Variants in FAM120B observed in about 807,000 individuals in gnomAD.
FAM120B encodes the protein family with sequence similarity 120 member B.
In FAM120B, 83 loss-of-function variants were observed where a neutral mutation model predicts 96.3. The ratio of observed to expected loss-of-function variants is 0.86; its 90% CI spans 0.72 to 1.03. The LOEUF is 1.03. Ranked by LOEUF, FAM120B falls within the 50% of genes least tolerant of loss-of-function variation. The pLI is 0.00. For missense variants in FAM120B, 1,027 were observed against 1,121.2 expected (o/e 0.92, Z 1.20); for synonymous variants, 407 against 402.7 (o/e 1.01, Z -0.13).
At chr6:170,335,741 C>T (rs943507576) in intron 4 of FAM120B, among the ~76,000 whole-genome samples, 1 of 152,214 alleles carries the variant, frequency 6.6e-6, no homozygotes, top group Non-Finnish European at 1.5e-5. Context: ...TTAATGATCA[C>T]CATTCTGACT....
intron 9 of FAM120B, among the ~76,000 whole-genome samples, chr6:170,401,304 G>T (rs77999916): frequency 6.6e-6 from 1 of 152,170 alleles, no homozygotes; most frequent in Non-Finnish European, 1.5e-5. Flanking sequence ...GCTGAGCTAA[G>T]CCTGAGGGGT....
intron 9 of FAM120B, among the ~76,000 whole-genome samples, chr6:170,401,003 A>G (rs901844372): frequency 6.6e-6 from 1 of 152,212 alleles, no homozygotes; most frequent in Non-Finnish European, 1.5e-5. Flanking sequence ...CCTTGGATTG[A>G]CAGGAAGCAG....
chr6:170,375,948 C>G lies in FAM120B; in HGVS notation c.2284-12339C>G, dbSNP rs563888496. ...TGTGAAGAGAGAGCATAGAAATTCC[C>G]TGGGGTGTTTGGGAGCCACAGATGG... On this transcript the variant is annotated intron_variant, in intron 6 of 10. Transcript: ENST00000476287. 3.3e-5 allele frequency among the ~76,000 whole-genome samples: 5 copies of G among 152,202 alleles called. No homozygotes were observed. In the East Asian group the frequency reaches 9.7e-4, roughly 29 times the overall value.
upstream of FAM120B, among the ~76,000 whole-genome samples, chr6:170,293,823 C>T (rs1244505325): frequency 2.7e-5 from 4 of 147,306 alleles, no homozygotes; most frequent in African/African-American, 5.0e-5. Context: ...GCTGTGCTAA[C>T]GGGGAGACTG....
intron 1 of FAM120B, among the ~76,000 whole-genome samples, chr6:170,314,053 A>G (rs1005759589): frequency 7.2e-5 from 11 of 152,260 alleles, no homozygotes; most frequent in African/African-American, 2.7e-4. Flanking sequence ...GAAAGATTAT[A>G]GTAAAGGAGC....
At chr6:170,365,484 A>T (rs1395291226) in intron 6 of FAM120B, among the ~76,000 whole-genome samples, 4 of 152,204 alleles carry the variant, frequency 2.6e-5, no homozygotes, top group African/African-American at 9.7e-5. Flanking sequence ...TTCTCAAATA[A>T]TGTCCACCTG....
chr6:170,399,598 T>A (rs1438423476), intron 9 of FAM120B, among the ~76,000 whole-genome samples: 15 of 146,432 alleles, frequency 1.0e-4, no homozygotes, highest in African/African-American at 3.1e-4. Context: ...TAGGAGTGAG[T>A]GAGGAAGGTA....
intron 6 of FAM120B, among the ~76,000 whole-genome samples, chr6:170,373,408 C>T (rs1249848744): frequency 6.6e-5 from 10 of 152,178 alleles, no homozygotes. Context: ...CCAGAATGTT[C>T]CCTAAATTCC....
chr6:170,293,231 A>C (rs1271674648), upstream of FAM120B, among the ~76,000 whole-genome samples: 1 of 152,170 alleles, frequency 6.6e-6, no homozygotes. Flanking sequence ...AAGAAATGTA[A>C]AAAAAGAAGA....
chr6:170,354,830 G>A (rs190969191), intron 5 of FAM120B, among the ~76,000 whole-genome samples: 227 of 152,298 alleles, frequency 1.5e-3, no homozygotes, highest in African/African-American at 5.2e-3. Context: ...TTGGGAGGCT[G>A]AGGCAGGAGA....
Position 170,348,253 on chromosome 6 carries a change from G to A in FAM120B, c.2120G>A (p.Arg707Lys). 2 of 1,614,062 alleles carry A rather than the reference G, an allele frequency of 1.2e-6. No homozygotes were observed. Among genetic ancestry groups the A allele is most frequent in the South Asian group, 2.2e-5 (2 of 91,082 alleles). The change falls in exon 5 of 11, where the codon AGA (arginine) becomes AAA (lysine). Residue 707 changes from arginine to lysine, a missense_variant. Around this residue, in one of 3 missense-constraint regions of FAM120B, gnomAD observed 880 missense variants for 980.9 expected, o/e 0.90. Coordinates refer to ENST00000476287, the MANE Select transcript of FAM120B (RefSeq NM_032448.3). ...LLACFNLSSSREELQAVESPF... is the reference protein window; with the variant it reads ...LLACFNLSSSKEELQAVESPF... ...GCCTGTTTCAATCTTTCCTCCTCAA[G>A]AGAAGAGCTGCAGGCTGTCGAAAGC...
At chr6:170,330,404 G>A (rs542014349) in intron 3 of FAM120B, 45 bp from the exon 4 acceptor site, 6 of 1,478,252 alleles carry the variant, frequency 4.1e-6, no homozygotes, top group South Asian at 3.4e-5. Flanking sequence ...TGAGCCTGGC[G>A]ATGCATGCCC....
chr6:170,377,202 C>T (rs1789592965), intron 6 of FAM120B, among the ~76,000 whole-genome samples: 1 of 104,478 alleles, frequency 9.6e-6, no homozygotes, highest in African/African-American at 4.6e-5. Context: ...AACACGAGCT[C>T]ACGCTGCTCG....
chr6:170,377,265 C>T (rs1385722017), intron 6 of FAM120B, among the ~76,000 whole-genome samples: 5 of 106,204 alleles, frequency 4.7e-5, no homozygotes, highest in Admixed American at 9.0e-5. Context: ...CGCAGGCTCA[C>T]GCTGCTCGGT....
At chr6:170,300,902 CT>C (rs1470142137) in intron 1 of FAM120B, among the ~76,000 whole-genome samples, 4 of 152,364 alleles carry the variant, frequency 2.6e-5, no homozygotes, top group East Asian at 1.9e-4. Context: ...AAACCCCCCC[CT>C]CCTGGCTGCC....
chr6:170,348,783 T>C (rs1249512009), intron 5 of FAM120B, among the ~76,000 whole-genome samples: 1 of 152,194 alleles, frequency 6.6e-6, no homozygotes, highest in African/African-American at 2.4e-5. Flanking sequence ...CATTCCATCA[T>C]CCAGCAAATG....
At chr6:170,366,766 C>T (rs116268337) in intron 6 of FAM120B, among the ~76,000 whole-genome samples, 2,478 of 152,290 alleles carry the variant, frequency 0.016, 65 homozygotes, top group African/African-American at 0.053. Context: ...AGTACTTTGT[C>T]GGCATGAGTA....
chr6:170,385,191 C>A (rs1361254782), intron 6 of FAM120B, among the ~76,000 whole-genome samples: 3 of 152,142 alleles, frequency 2.0e-5, no homozygotes, highest in Non-Finnish European at 2.9e-5. Flanking sequence ...AGTAAAAATT[C>A]TGTTATTTGA....
intron 5 of FAM120B, among the ~76,000 whole-genome samples, chr6:170,353,711 C>T (rs181403721): frequency 6.6e-6 from 1 of 152,214 alleles, no homozygotes; most frequent in Non-Finnish European, 1.5e-5. Flanking sequence ...ATACAGCTAA[C>T]AAGGGAAGTG....
Sources: allele counts gnomAD v4.1 joint callset (sites outside exome capture counted in the v4.1 genomes callset), GRCh38; gene constraint gnomAD v4.1.1; regional missense constraint gnomAD v4.1.1; transcripts MANE v1.5; gene names NCBI Gene and HGNC (gene_info 2026-07-23, HGNC 2026-07-21).